ANXA4: variants seen among roughly 807,000 people sequenced by gnomAD.
ANXA4 encodes the protein 35-beta calcimedin.
ANXA4 carries 39 observed loss-of-function variants against 49.8 expected under a neutral mutation model. The ratio of observed to expected loss-of-function variants is 0.78; its 90% CI spans 0.61 to 1.02. The LOEUF (loss-of-function observed/expected upper bound fraction) is 1.02, where lower values mean the gene tolerates loss of function less well. Ranked by LOEUF, ANXA4 falls within the 50% of genes least tolerant of loss-of-function variation. The pLI is 0.00. For missense variants in ANXA4, 360 were observed against 410.1 expected (o/e 0.88, Z 1.05); for synonymous variants, 134 against 152.5 (o/e 0.88, Z 0.89).
At position 69,804,567 on chromosome 2, in the gene ANXA4, C is replaced by G. The variant is rs189357504; in HGVS notation, c.132C>G (p.Ala44=). Residue 44 remains alanine (A), a synonymous_variant, in exon 4 of 13, where the codon GCC becomes GCG. Transcript: ENST00000394295. ...AAGACGCCATTATTAGCGTCCTTGC[C>G]TACCGCAACACCGCCCAGCGCCAGG... ...TDEDAIISVL[A]YRNTAQRQEI... 5.5e-5 allele frequency: 88 copies of G among 1,613,982 alleles called. No individual in the cohort carries two copies. The highest frequency in any genetic ancestry group is 6.8e-5 in the Non-Finnish European group (80 of 1,179,962).
chr2:69,675,060 C>G (rs1385952207), intron 2 of ANXA4, among the ~76,000 whole-genome samples: 1 of 151,956 alleles, frequency 6.6e-6, no homozygotes, highest in Admixed American at 6.6e-5. Context: ...GTAGCTGAGA[C>G]TACAGGTGCC....
chr2:69,740,274 C>T (rs1323568605), upstream of ANXA4, among the ~76,000 whole-genome samples: 4 of 152,076 alleles, frequency 2.6e-5, no homozygotes, highest in Non-Finnish European at 4.4e-5. Context: ...AAACTCCTAG[C>T]CTCAAGCAAC....
intron 1 of ANXA4, among the ~76,000 whole-genome samples, chr2:69,774,335 C>G (rs906023612): frequency 8.1e-6 from 1 of 122,924 alleles, no homozygotes; most frequent in Non-Finnish European, 1.7e-5. Flanking sequence ...GAGCCCCCCC[C>G]CCCCCTTTTT....
chr2:69,790,550 GT>G (rs1672647125), intron 3 of ANXA4, among the ~76,000 whole-genome samples: 2 of 152,288 alleles, frequency 1.3e-5, no homozygotes, highest in South Asian at 4.1e-4. Flanking sequence ...TGACAACAGA[GT>G]TTGTTTGATA....
chr2:69,643,885 G>A, upstream of ANXA4: 1 of 1,173,190 alleles, frequency 8.5e-7, no homozygotes. Flanking sequence ...CCACGGATGG[G>A]AAGGAGTCGA....
chr2:69,657,078 T>A (rs1676531466), intron 2 of ANXA4, among the ~76,000 whole-genome samples: 1 of 150,270 alleles, frequency 6.7e-6, no homozygotes, highest in African/African-American at 2.5e-5. Context: ...CACTGCAACC[T>A]CCACCTCCTG....
In ANXA4 at chr2:69,711,608, T is replaced by A. The variant is rs1402973725; in HGVS notation, n.767-9166T>A. Among the ~76,000 whole-genome samples, 6 of 152,218 alleles carry A rather than the reference T, an allele frequency of 3.9e-5. No individual in the cohort carries two copies. The East Asian group carries it at 1.2e-3, about 29-fold the overall frequency. On this transcript the variant is annotated intron_variant and non_coding_transcript_variant, in intron 2 of 3. Coordinates refer to the ANXA4 transcript ENST00000418066. ...GGTGGTGGTTGTATGACTGTATACA[T>A]TTGTCAAGAAGAATTAAACTGAACA...
At chr2:69,736,955 C>G (rs1043490182) in intron 3 of ANXA4, among the ~76,000 whole-genome samples, 2 of 150,956 alleles carry the variant, frequency 1.3e-5, no homozygotes, top group African/African-American at 5.0e-5. Flanking sequence ...GTGACCACCA[C>G]CACGCTTGGC....
chr2:69,645,231 G>C (rs1346963551), intron 1 of ANXA4, among the ~76,000 whole-genome samples: 1 of 152,190 alleles, frequency 6.6e-6, no homozygotes, highest in Non-Finnish European at 1.5e-5. Context: ...CTTGTTTCAA[G>C]TAGTGCCATT....
At chr2:69,822,638 A>G (rs1429374091) in intron 12 of ANXA4, among the ~76,000 whole-genome samples, 5 of 152,240 alleles carry the variant, frequency 3.3e-5, no homozygotes, top group African/African-American at 4.8e-5. Context: ...CCTTGAAAAT[A>G]TACTACGTGC....
chr2:69,700,022 A>G (rs1678280678), intron 2 of ANXA4, among the ~76,000 whole-genome samples: 1 of 152,218 alleles, frequency 6.6e-6, no homozygotes, highest in South Asian at 2.1e-4. Context: ...GAGAGAATGG[A>G]AGGAGAGAGG....
chr2:69,670,749 C>T (rs2105340569), intron 2 of ANXA4, among the ~76,000 whole-genome samples: 1 of 152,104 alleles, frequency 6.6e-6, no homozygotes, highest in Middle Eastern at 3.4e-3. Flanking sequence ...CAGGGTCAGG[C>T]GTGATGGCTC....
chr2:69,792,456 T>G (rs1392709590), intron 3 of ANXA4, among the ~76,000 whole-genome samples: 1 of 152,212 alleles, frequency 6.6e-6, no homozygotes, highest in Non-Finnish European at 1.5e-5. Context: ...TTATAACCCT[T>G]GACAAGTTTT....
intron 2 of ANXA4, among the ~76,000 whole-genome samples, chr2:69,670,601 C>G (rs1288216559): frequency 6.6e-6 from 1 of 151,876 alleles, no homozygotes; most frequent in African/African-American, 2.4e-5. Context: ...ATAGAGAGAC[C>G]AGAAATTGAC....
chr2:69,708,647 C>T (rs1275107315), intron 2 of ANXA4, among the ~76,000 whole-genome samples: 1 of 152,046 alleles, frequency 6.6e-6, no homozygotes, highest in Non-Finnish European at 1.5e-5. Flanking sequence ...CCAGCAGGTC[C>T]CTGTTTCTGA....
chr2:69,773,544 C>T (rs1671819480), intron 1 of ANXA4, among the ~76,000 whole-genome samples: 1 of 151,066 alleles, frequency 6.6e-6, no homozygotes, highest in Non-Finnish European at 1.5e-5. Flanking sequence ...TTAAGTTTTG[C>T]CCCTGATTTT....
chr2:69,644,524 C>CT (rs1423396724), exon 1 of ANXA4: 1 of 152,222 alleles, frequency 6.6e-6, no homozygotes, highest in Non-Finnish European at 1.5e-5. Flanking sequence ...GAGCTAGGCG[C>CT]TGTGAGAACG....
intron 1 of ANXA4, among the ~76,000 whole-genome samples, chr2:69,754,789 T>A (rs937155895): frequency 6.6e-6 from 1 of 152,214 alleles, no homozygotes. Flanking sequence ...CTTTCCAGGT[T>A]CTTTTATGCT....
chr2:69,780,374 T>C lies in ANXA4; in HGVS notation c.-46-1146T>C, dbSNP rs539732695. Among the ~76,000 whole-genome samples, 3 of 152,276 alleles carry C rather than the reference T, an allele frequency of 2.0e-5. No homozygotes were observed. The South Asian group carries it at 6.2e-4, about 32-fold the overall frequency. ...TACCCCCCAGCTAATTTTTATATTT[T>C]TAGTAGAGATGGGGTTTCACCATGT... On this transcript the variant is annotated intron_variant, in intron 1 of 12. Transcript: ENST00000394295.
Sources: allele counts gnomAD v4.1 joint callset (sites outside exome capture counted in the v4.1 genomes callset), GRCh38; gene constraint gnomAD v4.1.1; transcripts MANE v1.5; gene names NCBI Gene and HGNC (gene_info 2026-07-23, HGNC 2026-07-21).